Variants in ABLIM2 observed in about 807,000 individuals in gnomAD.
ABLIM2 encodes actin-binding LIM protein 2.
ABLIM2 carries 53 observed loss-of-function variants against 97.7 expected under a neutral mutation model. The ratio of observed to expected loss-of-function variants is 0.54; its 90% confidence interval spans 0.44 to 0.68. The LOEUF (loss-of-function observed/expected upper bound fraction) is 0.68, where lower values mean the gene tolerates loss of function less well. Ranked by LOEUF, ABLIM2 falls within the 30% of genes least tolerant of loss-of-function variation. The probability of loss-of-function intolerance (pLI) is 0.00; values close to 1 mark genes in which losing one functional copy is unlikely to be tolerated. For missense variants in ABLIM2, 835 were observed against 867.2 expected, an observed-to-expected ratio of 0.96 and a Z score of 0.47; for synonymous variants, 361 against 345.8, an observed-to-expected ratio of 1.04 and a Z score of -0.49.
intron 1 of ABLIM2, among the ~76,000 whole-genome samples, chr4:8,134,488 T>C (rs902481721): frequency 2.0e-5 from 3 of 152,194 alleles, no homozygotes; most frequent in African/African-American, 7.2e-5. Flanking sequence ...GAAGAACGCA[T>C]GCTAAAACCA....
At chr4:8,137,124 T>C (rs1340715760) in intron 1 of ABLIM2, among the ~76,000 whole-genome samples, 2 of 152,184 alleles carry the variant, frequency 1.3e-5, no homozygotes, top group Non-Finnish European at 2.9e-5. Flanking sequence ...GAGTTCAACG[T>C]CTGTCTTTGT....
In ABLIM2 at chr4:8,095,765, GGATGA is replaced by G. The variant is rs1463747616; in HGVS notation, c.338+1329_338+1333del. Among the ~76,000 whole-genome samples, 1 of 152,090 alleles carries G rather than the reference GGATGA, an allele frequency of 6.6e-6. No homozygotes were observed. Among genetic ancestry groups the G allele is most frequent in the African/African-American group, 2.4e-5 (1 of 41,412 alleles). On this transcript the variant is annotated intron_variant, in intron 3 of 20. Coordinates refer to ENST00000447017, the MANE Select transcript of ABLIM2 (RefSeq NM_001130083.2). This position sits in a 1 kb window ranked among gnomAD's most constrained non-coding sequence, Gnocchi z 4.7. ...TCGCTCTAGGGCTGTTTTGTCTTCTGGATGAGACGCGACCTTTTGGTGTCCACACT... is the reference window on the plus strand; with the variant it reads ...TCGCTCTAGGGCTGTTTTGTCTTCTGGACGCGACCTTTTGGTGTCCACACT...
intron 8 of ABLIM2, among the ~76,000 whole-genome samples, chr4:8,050,510 G>C (rs1243969379): frequency 2.0e-5 from 3 of 152,226 alleles, no homozygotes; most frequent in African/African-American, 7.2e-5. Flanking sequence ...AGCTGGCACA[G>C]AGGGGCTAGG....
At chr4:8,088,129 A>C in intron 4 of ABLIM2, 40 bp downstream of exon 4, 3 of 694,204 alleles carry the variant, frequency 4.3e-6, no homozygotes, top group Non-Finnish European at 6.1e-6. Flanking sequence ...CCCACTCAGC[A>C]TGCCCCCACT....
rs1006999005 is a variant in ABLIM2, at chr4:8,087,981, C to A, written c.454+188G>T. Among the ~76,000 whole-genome samples, 3 of 120,450 alleles carry A rather than the reference C, an allele frequency of 2.5e-5. No homozygotes were observed. Among genetic ancestry groups the A allele is most frequent in the Admixed American group, 8.8e-5 (1 of 11,352 alleles). The allele number at this position is 120,450 out of a possible 152,430, so 79.0% of individuals were successfully genotyped here. A position where few individuals can be genotyped will look rare whatever the true frequency, so the allele number is the denominator to read the frequency against. ...CAGAGACCAAGCCCCCAACTCAGCA[C>A]CCCCCCCACAACCAGCAAGCCCCCA... On this transcript the variant is annotated intron_variant, in intron 4 of 20. Coordinates refer to ENST00000447017, the MANE Select transcript of ABLIM2 (RefSeq NM_001130083.2). The surrounding 1 kb of genome is among the most constrained non-coding windows in gnomAD (Gnocchi z 4.6).
chr4:8,057,936 G>A (rs1800405376), intron 7 of ABLIM2, among the ~76,000 whole-genome samples: 1 of 152,234 alleles, frequency 6.6e-6, no homozygotes, highest in African/African-American at 2.4e-5. Flanking sequence ...GTGCCAGGGA[G>A]CAGAGCCTCA....
chr4:8,111,476 G>A (rs1012052040), intron 1 of ABLIM2, among the ~76,000 whole-genome samples: 54 of 152,176 alleles, frequency 3.5e-4, no homozygotes, highest in Admixed American at 1.2e-3. Context: ...TATGAACTTC[G>A]CTTAAGAATA....
At chr4:7,982,150 A>G (rs1375574497) in intron 20 of ABLIM2, among the ~76,000 whole-genome samples, 4 of 133,304 alleles carry the variant, frequency 3.0e-5, no homozygotes, top group African/African-American at 1.1e-4. Flanking sequence ...CTCCCTCCCC[A>G]GCAGCAGACT....
At chr4:8,107,281 G>A (rs543130312) in intron 1 of ABLIM2, among the ~76,000 whole-genome samples, 13 of 152,350 alleles carry the variant, frequency 8.5e-5, no homozygotes, top group Admixed American at 4.6e-4. Flanking sequence ...TGGGGCTCCC[G>A]GGGACCGGGC....
In ABLIM2 at chr4:8,155,672, G is replaced by A. The variant is rs1715072033; in HGVS notation, c.10+3008C>T. Among the ~76,000 whole-genome samples the A allele has an allele frequency of 6.6e-6, 1 of 152,218 alleles. No individual in the cohort carries two copies. Among genetic ancestry groups the A allele is most frequent in the African/African-American group, 2.4e-5 (1 of 41,450 alleles). ...CAGGACCTTTAAGGAGACCACTAAG[G>A]TGAAACGAGGTCATGAGGGTAGGCT... is the stretch of plus-strand genomic sequence containing the variant. On this transcript the variant is annotated intron_variant, in intron 1 of 20. Coordinates refer to ENST00000447017, the MANE Select transcript of ABLIM2 (RefSeq NM_001130083.2). This position sits in a 1 kb window ranked among gnomAD's most constrained non-coding sequence, Gnocchi z 4.2.
chr4:7,969,766 C>T (rs1244835594), intron 20 of ABLIM2, among the ~76,000 whole-genome samples: 1 of 146,678 alleles, frequency 6.8e-6, no homozygotes, highest in African/African-American at 2.5e-5. Context: ...CACACACACA[C>T]ACAGCCTATC....
rs528992170 is a variant in ABLIM2, at chr4:8,149,205, T to G, written c.10+9475A>C. 6.6e-6 allele frequency among the ~76,000 whole-genome samples: 1 copy of G among 152,328 alleles called. No homozygotes were observed. Among genetic ancestry groups the G allele is most frequent in the African/African-American group, 2.4e-5 (1 of 41,582 alleles). On this transcript the variant is annotated intron_variant, in intron 1 of 20. Coordinates refer to ENST00000447017, the MANE Select transcript of ABLIM2 (RefSeq NM_001130083.2). The surrounding 1 kb of genome is among the most constrained non-coding windows in gnomAD (Gnocchi z 6.4). ...GTGGAGACTTCTCTCTCCTCTCTGC[T>G]GCCTCCTGCCTCCCGTTAGCGAGAA...
intron 3 of ABLIM2, among the ~76,000 whole-genome samples, chr4:8,096,644 A>G: frequency 6.6e-6 from 1 of 152,204 alleles, no homozygotes. Context: ...CAGAAAACAA[A>G]CTGTTTTTCA....
rs1715180129 is a variant in ABLIM2 at position 8,155,966 on chromosome 4, C to T, written c.10+2714G>A. On this transcript the variant is annotated intron_variant, in intron 1 of 20. Transcript: ENST00000447017. The surrounding 1 kb of genome is among the most constrained non-coding windows in gnomAD (Gnocchi z 4.2). Reference sequence around the variant, plus strand: ...CACCTTGATCTCAGACTTCTGGCCTCTAGAATCAGCAAAAAAATAAGTGTC... The same window carrying T: ...CACCTTGATCTCAGACTTCTGGCCTTTAGAATCAGCAAAAAAATAAGTGTC... Among the ~76,000 whole-genome samples, 1 of 152,162 alleles carries T rather than the reference C, an allele frequency of 6.6e-6. No homozygotes were observed.
At position 8,061,550 on chromosome 4, in the gene ABLIM2, T is replaced by G. The variant is rs1369743447; in HGVS notation, c.676-496A>C. Among the ~76,000 whole-genome samples, 1 of 152,156 alleles carries G rather than the reference T, an allele frequency of 6.6e-6. No individual in the cohort carries two copies. Among genetic ancestry groups the G allele is most frequent in the Non-Finnish European group, 1.5e-5 (1 of 68,018 alleles). ...TGCTCAGTATGTTCAATGAGCATTTTGTTTTTATCATTCTTGAAGTTTATT... is the reference window on the plus strand; with the variant it reads ...TGCTCAGTATGTTCAATGAGCATTTGGTTTTTATCATTCTTGAAGTTTATT... On this transcript the variant is annotated intron_variant, in intron 6 of 20. Coordinates refer to ENST00000447017, the MANE Select transcript of ABLIM2 (RefSeq NM_001130083.2). This position sits in a 1 kb window ranked among gnomAD's most constrained non-coding sequence, Gnocchi z 4.5.
At chr4:8,073,480 C>T (rs1466595394) in intron 6 of ABLIM2, among the ~76,000 whole-genome samples, 3 of 151,952 alleles carry the variant, frequency 2.0e-5, no homozygotes, top group Non-Finnish European at 2.9e-5. Context: ...CCTGCAGGCT[C>T]CTCCAGAGCC....
intron 8 of ABLIM2, among the ~76,000 whole-genome samples, chr4:8,051,562 C>CA (rs36056609): frequency 0.6 from 64,728 of 107,704 alleles, 18,370 homozygotes; most frequent in African/African-American, 0.7. Flanking sequence ...GATTCCATCT[C>CA]AAAAAAAAAA....
rs1768032693 is a variant in ABLIM2 at position 8,015,186 on chromosome 4, G to T, written c.1423+4432C>A. The stretch of plus-strand genomic sequence containing the variant: ...TCCATTCACCTCAGCCTCCCAAAGT[G>T]CTGGGATTACAGGTGTGAGCCACCG... On this transcript the variant is annotated intron_variant, in intron 14 of 20. Transcript: ENST00000447017. This position sits in a 1 kb window ranked among gnomAD's most constrained non-coding sequence, Gnocchi z 4.6. Among the ~76,000 whole-genome samples, 1 of 152,152 alleles carries T rather than the reference G, an allele frequency of 6.6e-6. No individual in the cohort carries two copies. Among genetic ancestry groups the T allele is most frequent in the Non-Finnish European group, 1.5e-5 (1 of 68,022 alleles).
intron 7 of ABLIM2, among the ~76,000 whole-genome samples, chr4:8,057,884 G>GT (rs1400795686): frequency 7.9e-5 from 12 of 152,334 alleles, no homozygotes; most frequent in Admixed American, 3.9e-4. Flanking sequence ...CACACAGAGG[G>GT]TCTCAGGATG....
Sources: allele counts gnomAD v4.1 joint callset (sites outside exome capture counted in the v4.1 genomes callset), GRCh38; gene constraint gnomAD v4.1.1; non-coding constraint Gnocchi (gnomAD v3.1); transcripts MANE v1.5; gene names NCBI Gene and HGNC (gene_info 2026-07-23, HGNC 2026-07-21).